TUSC3: variants seen among roughly 807,000 people sequenced by gnomAD.
TUSC3 encodes the protein dolichyl-diphosphooligosaccharide--protein glycosyltransferase subunit TUSC3.
In TUSC3, 45 loss-of-function variants were observed where a neutral mutation model predicts 44.8. That is an observed-to-expected ratio of 1.00 (90% CI 0.79 to 1.29). The LOEUF (loss-of-function observed/expected upper bound fraction) is 1.29, where lower values mean the gene tolerates loss of function less well. TUSC3 is among the 50% of genes most tolerant of loss of function. The pLI is 0.00. For synonymous variants in TUSC3, 212 were observed against 152.9 expected, an observed-to-expected ratio of 1.39 and a Z score of -2.85; for missense variants, 519 against 437.9, an observed-to-expected ratio of 1.19 and a Z score of -1.65.
At chr8:15,528,109 C>G (rs1801399861) in intron 2 of TUSC3, among the ~76,000 whole-genome samples, 3 of 151,698 alleles carry the variant, frequency 2.0e-5, no homozygotes, top group Admixed American at 2.0e-4. Flanking sequence ...AATCCTTTAC[C>G]AATAAAACAT....
At chr8:15,828,456 C>CT in the TUSC3 span, among the ~76,000 whole-genome samples, 2 of 151,992 alleles carry the variant, frequency 1.3e-5, no homozygotes, top group Non-Finnish European at 2.9e-5. Flanking sequence ...CCAGCTTGGT[C>CT]TTTTTTATTT....
At chr8:15,531,050 G>T (rs1406714985) in intron 2 of TUSC3, among the ~76,000 whole-genome samples, 1 of 152,136 alleles carries the variant, frequency 6.6e-6, no homozygotes, top group African/African-American at 2.4e-5. Context: ...TAAACACACT[G>T]TGTGTGCTCA....
At chr8:15,665,865 T>C (rs1484046255) in intron 5 of TUSC3, among the ~76,000 whole-genome samples, 4 of 151,392 alleles carry the variant, frequency 2.6e-5, no homozygotes, top group Non-Finnish European at 5.9e-5. Flanking sequence ...CTACTATTTA[T>C]AGATACTGAT....
chr8:15,503,802 A>G lies in TUSC3; in HGVS notation n.189+20319A>G, dbSNP rs373470419. Among the ~76,000 whole-genome samples the G allele has an allele frequency of 4.6e-5, 7 of 152,070 alleles. No homozygotes were observed. The East Asian group carries it at 1.2e-3, about 25-fold the overall frequency. On this transcript the variant is annotated intron_variant and non_coding_transcript_variant, in intron 2 of 5. Transcript: ENST00000503191. ...TGAATCACTTGAGGCCAGGAGTTTG[A>G]GACTAGCCTGGGCAGCATGGCAAAA... is the stretch of plus-strand genomic sequence containing the variant.
intron 1 of TUSC3, among the ~76,000 whole-genome samples, chr8:15,581,328 A>G (rs1193898459): frequency 9.4e-5 from 14 of 149,494 alleles, no homozygotes; most frequent in African/African-American, 3.5e-4. Context: ...CGTCAAAGTC[A>G]TTCTCCATCC....
intron 1 of TUSC3, among the ~76,000 whole-genome samples, chr8:15,583,538 C>T (rs77009365): frequency 1.9e-3 from 293 of 152,252 alleles, no homozygotes; most frequent in Non-Finnish European, 3.1e-3. Context: ...TTCTTTGTAG[C>T]TCCAGAGAGC....
intron 1 of TUSC3, among the ~76,000 whole-genome samples, chr8:15,442,507 C>T (rs1205454290): frequency 6.6e-6 from 1 of 152,052 alleles, no homozygotes; most frequent in African/African-American, 2.4e-5. Flanking sequence ...ATTAGCTGTT[C>T]CCAGTGGATT....
the TUSC3 span, among the ~76,000 whole-genome samples, chr8:15,777,269 A>G: frequency 7.0e-3 from 1,071 of 152,044 alleles, 9 homozygotes; most frequent in African/African-American, 0.025. Context: ...CTTCCCCCCC[A>G]CCTTTTCGGG....
intron 1 of TUSC3, among the ~76,000 whole-genome samples, chr8:15,546,862 T>C (rs1186475994): frequency 6.6e-6 from 1 of 151,546 alleles, no homozygotes; most frequent in Non-Finnish European, 1.5e-5. Context: ...TTCATGGTAG[T>C]TGGTATCTGT....
chr8:15,681,975 A>G (rs1369821119), intron 6 of TUSC3, among the ~76,000 whole-genome samples: 1 of 152,042 alleles, frequency 6.6e-6, no homozygotes, highest in Non-Finnish European at 1.5e-5. Flanking sequence ...TGTGTTTTTG[A>G]GATTTCCTCT....
chr8:15,822,163 A>C, the TUSC3 span, among the ~76,000 whole-genome samples: 1 of 151,172 alleles, frequency 6.6e-6, no homozygotes, highest in Admixed American at 6.6e-5. Flanking sequence ...TCATTAACTG[A>C]AATTGAAAAC....
intron 2 of TUSC3, among the ~76,000 whole-genome samples, chr8:15,485,936 G>A (rs1288052607): frequency 2.0e-5 from 3 of 151,984 alleles, no homozygotes; most frequent in African/African-American, 7.2e-5. Context: ...GATTACAGGT[G>A]CCCACCACCA....
At chr8:15,774,588 G>A in the TUSC3 span, among the ~76,000 whole-genome samples, 1 of 152,140 alleles carries the variant, frequency 6.6e-6, no homozygotes, top group African/African-American at 2.4e-5. Context: ...AGAACATTAA[G>A]ATCGTAAATT....
chr8:15,433,440 A>T (rs1312461828), intron 1 of TUSC3, among the ~76,000 whole-genome samples: 2 of 152,152 alleles, frequency 1.3e-5, no homozygotes, highest in Non-Finnish European at 2.9e-5. Context: ...GTTTTGACAA[A>T]TGTATGTCAT....
the TUSC3 span, among the ~76,000 whole-genome samples, chr8:15,779,297 C>T: frequency 1.9e-4 from 29 of 152,192 alleles, no homozygotes; most frequent in South Asian, 5.6e-3. Flanking sequence ...TGAACTCCTA[C>T]CATGTAGCAG....
chr8:15,643,644 T>A (rs540770621), intron 2 of TUSC3, among the ~76,000 whole-genome samples: 24 of 152,288 alleles, frequency 1.6e-4, no homozygotes, highest in African/African-American at 5.8e-4. Flanking sequence ...TTATCTTACA[T>A]CTAGTGAATT....
In TUSC3 at chr8:15,623,148, T is replaced by C. The variant is rs1805327294; in HGVS notation, c.207T>C (p.Asn69=). 1 of 1,613,882 alleles carries C rather than the reference T, an allele frequency of 6.2e-7. No individual in the cohort carries two copies. Among genetic ancestry groups the C allele is most frequent in the Non-Finnish European group, 8.5e-7 (1 of 1,179,902 alleles). ...WSSRRSIFRM[N]GDKFRKFIKA... ...CCAGACGCTCAATCTTCCGAATGAA[T>C]GGTGATAAATTCCGAAAATTTATAA... The change falls in exon 2 of 11, where the codon AAT becomes AAC. Residue 69 remains asparagine, a synonymous_variant. Coordinates refer to ENST00000503731, the MANE Select transcript of TUSC3 (RefSeq NM_006765.4).
At chr8:15,766,867 G>C (rs1044481158), downstream of TUSC3, among the ~76,000 whole-genome samples, 2 of 152,116 alleles carry the variant, frequency 1.3e-5, no homozygotes, top group African/African-American at 2.4e-5. Context: ...TTTTCAACCA[G>C]TGACATTAAA....
intron 2 of TUSC3, among the ~76,000 whole-genome samples, chr8:15,494,059 A>T (rs1330065048): frequency 6.6e-6 from 1 of 152,162 alleles, no homozygotes; most frequent in East Asian, 1.9e-4. Context: ...TCTTTGTTCA[A>T]AAATAACCCC....
Sources: gnomAD v4.1 joint callset for allele counts (sites outside exome capture counted in the v4.1 genomes callset) on GRCh38, gnomAD v4.1.1 for gene constraint, MANE v1.5 for transcripts, NCBI Gene and HGNC (gene_info 2026-07-23, HGNC 2026-07-21) for gene names.